GRB2: variants seen among roughly 807,000 people sequenced by gnomAD.
The protein encoded by GRB2 is growth factor receptor bound protein 2, also known as growth factor receptor-bound protein 2.
A neutral mutation model predicts 27.4 loss-of-function variants in GRB2; 2 were observed. The ratio of observed to expected loss-of-function variants is 0.07; its 90% confidence interval spans 0.03 to 0.23. The LOEUF (loss-of-function observed/expected upper bound fraction) is 0.23. GRB2 is among the 10% of genes least tolerant of loss of function. The pLI is 1.00. For missense variants in GRB2, 102 were observed against 282.4 expected, an observed-to-expected ratio of 0.36 and a Z score of 4.58; for synonymous variants, 94 against 99.6, an observed-to-expected ratio of 0.94 and a Z score of 0.33.
intron 1 of GRB2, among the ~76,000 whole-genome samples, chr17:75,404,063 T>C (rs2079081604): frequency 6.7e-6 from 1 of 149,204 alleles, no homozygotes; most frequent in Admixed American, 6.7e-5. Context: ...AGTGAGCCCA[T>C]ATAGCACCAT....
chr17:75,322,478 A>T (rs576905318), intron 4 of GRB2, among the ~76,000 whole-genome samples: 1 of 152,308 alleles, frequency 6.6e-6, no homozygotes, highest in Non-Finnish European at 1.5e-5. Flanking sequence ...TAAAAAAATA[A>T]TTAAAATCTT....
intron 1 of GRB2, among the ~76,000 whole-genome samples, chr17:75,402,461 TACTG>T (rs2079069836): frequency 6.6e-6 from 1 of 152,244 alleles, no homozygotes; most frequent in Non-Finnish European, 1.5e-5. Context: ...CTATTCTAAA[TACTG>T]ACTTTGTGTA....
chr17:75,387,556 G>C (rs1026350795), intron 2 of GRB2: 2 of 152,130 alleles, frequency 1.3e-5, no homozygotes, highest in Non-Finnish European at 2.9e-5. Flanking sequence ...CAGCACTTTG[G>C]GAGGCCGAGG....
chr17:75,350,706 A>C (rs1254551854), intron 2 of GRB2, among the ~76,000 whole-genome samples: 2 of 152,054 alleles, frequency 1.3e-5, no homozygotes, highest in Non-Finnish European at 2.9e-5. Flanking sequence ...GTTAGCCAGG[A>C]TGGTCTCGAT....
At chr17:75,352,356 C>T (rs953992026) in intron 2 of GRB2, among the ~76,000 whole-genome samples, 1 of 152,208 alleles carries the variant, frequency 6.6e-6, no homozygotes, top group Admixed American at 6.5e-5. Flanking sequence ...ACTGTCACAA[C>T]CTGCAGAGAA....
intron 2 of GRB2, among the ~76,000 whole-genome samples, chr17:75,364,737 T>G (rs1476283483): frequency 6.6e-6 from 1 of 152,010 alleles, no homozygotes; most frequent in Non-Finnish European, 1.5e-5. Context: ...ATTTCAGATT[T>G]AAGACTATTA....
In GRB2 at chr17:75,375,093, C is replaced by CG. The variant is rs371818056; in HGVS notation, c.78+18457dup. On this transcript the variant is annotated intron_variant, in intron 2 of 5. Transcript: ENST00000316804. ...ACATTTTTGGTTTTTTTTTTGTAGA[C>CG]GGGGGGGTCTCACTGTGTTGCCCAG... 7.4e-4 allele frequency among the ~76,000 whole-genome samples: 112 copies of CG among 151,022 alleles called. 1 individual carries two copies. In the South Asian group the frequency reaches 8.0e-3, roughly 11 times the overall value.
intron 2 of GRB2, among the ~76,000 whole-genome samples, chr17:75,346,578 C>T (rs1350716662): frequency 2.8e-4 from 19 of 68,760 alleles, no homozygotes; most frequent in South Asian, 6.5e-4. Context: ...CTTTTCTTGC[C>T]TTTTTTTTTT....
At chr17:75,358,767 C>T (rs1288715120) in intron 2 of GRB2, among the ~76,000 whole-genome samples, 1 of 145,820 alleles carries the variant, frequency 6.9e-6, no homozygotes. Context: ...CCTGTAAATC[C>T]CAGCTACTCA....
At chr17:75,325,536 C>A (rs529581965) in intron 4 of GRB2, among the ~76,000 whole-genome samples, 7 of 152,284 alleles carry the variant, frequency 4.6e-5, no homozygotes, top group African/African-American at 1.7e-4. Context: ...GTCAGTGGAC[C>A]TGAGCAAGGC....
At chr17:75,365,399 G>T (rs531701522) in intron 2 of GRB2, among the ~76,000 whole-genome samples, 90 of 152,310 alleles carry the variant, frequency 5.9e-4, no homozygotes, top group African/African-American at 2.1e-3. Context: ...CTACTTTAAT[G>T]AATTCTACTT....
intron 4 of GRB2, among the ~76,000 whole-genome samples, chr17:75,325,560 C>T (rs989422995): frequency 4.6e-5 from 7 of 152,146 alleles, no homozygotes; most frequent in African/African-American, 1.4e-4. Context: ...CCAAGGCAGC[C>T]GACAGGCGCT....
chr17:75,354,200 G>A (rs559598991), intron 2 of GRB2, among the ~76,000 whole-genome samples: 34 of 143,092 alleles, frequency 2.4e-4, no homozygotes, highest in African/African-American at 8.0e-4. Context: ...TCAGAACTTG[G>A]AAGAGACATT....
intron 3 of GRB2, among the ~76,000 whole-genome samples, chr17:75,328,218 G>A (rs1335753550): frequency 9.9e-5 from 15 of 152,164 alleles, no homozygotes; most frequent in African/African-American, 3.6e-4. Context: ...CAGCTACTCG[G>A]GAGGCTGAGG....
intron 3 of GRB2, 147 bp downstream of exon 3, chr17:75,332,553 T>C: frequency 1.7e-6 from 1 of 598,064 alleles, no homozygotes; most frequent in East Asian, 3.1e-5. Flanking sequence ...TATATACTAT[T>C]AACATGCACA....
chr17:75,323,856 C>A (rs933874444), intron 4 of GRB2, among the ~76,000 whole-genome samples: 2 of 151,070 alleles, frequency 1.3e-5, no homozygotes, highest in Admixed American at 6.6e-5. Flanking sequence ...TTCACCCAGG[C>A]TGGAATGCAA....
chr17:75,373,460 TTAAG>T (rs1402436376), intron 2 of GRB2: 1 of 152,172 alleles, frequency 6.6e-6, no homozygotes, highest in Non-Finnish European at 1.5e-5. Flanking sequence ...ACTTCCAAGT[TTAAG>T]TGTTCTAGGA....
intron 2 of GRB2, among the ~76,000 whole-genome samples, chr17:75,382,514 A>G (rs2053157): frequency 2.0e-5 from 3 of 152,170 alleles, no homozygotes; most frequent in African/African-American, 7.2e-5. Context: ...ACTTCCTTTG[A>G]GTGCCATGCT....
chr17:75,338,978 A>T, intron 2 of GRB2: 1 of 1,211,556 alleles, frequency 8.3e-7, no homozygotes, highest in Non-Finnish European at 1.2e-6. Flanking sequence ...TATGGTGGGC[A>T]GACTAAGTCG....
Sources: gnomAD v4.1 joint callset for allele counts (sites outside exome capture counted in the v4.1 genomes callset) on GRCh38, gnomAD v4.1.1 for gene constraint, MANE v1.5 for transcripts, NCBI Gene and HGNC (gene_info 2026-07-23, HGNC 2026-07-21) for gene names.